Variants in DPH6 observed in about 807,000 individuals in gnomAD.
The protein encoded by DPH6 is diphthamine biosynthesis 6, also known as diphthine--ammonia ligase.
Under a neutral mutation model 38.2 loss-of-function variants are expected in DPH6, and 33 were observed. The observed-to-expected ratio is 0.86, with a 90% CI of 0.65 to 1.15. The LOEUF (loss-of-function observed/expected upper bound fraction) is 1.15. DPH6 is among the 50% of genes most tolerant of loss of function. The probability of loss-of-function intolerance (pLI) is 0.00; values close to 1 mark genes in which losing one functional copy is unlikely to be tolerated. For missense variants in DPH6, 325 were observed against 320.0 expected, an observed-to-expected ratio of 1.02 and a Z score of -0.12; for synonymous variants, 108 against 103.0, an observed-to-expected ratio of 1.05 and a Z score of -0.30.
chr15:35,491,861 T>C (rs1353870508), intron 3 of DPH6, among the ~76,000 whole-genome samples: 2 of 151,212 alleles, frequency 1.3e-5, no homozygotes, highest in East Asian at 3.9e-4. Context: ...TCTATATGTA[T>C]ATGTGTGTGT....
At chr15:35,502,612 CAG>C (rs2054641632) in intron 3 of DPH6, among the ~76,000 whole-genome samples, 1 of 151,582 alleles carries the variant, frequency 6.6e-6, no homozygotes, top group Non-Finnish European at 1.5e-5. Context: ...ATAATTAAAA[CAG>C]AAAATAGCTT....
intron 3 of DPH6, among the ~76,000 whole-genome samples, chr15:35,504,809 A>G (rs984523551): frequency 6.6e-6 from 1 of 152,132 alleles, no homozygotes; most frequent in Non-Finnish European, 1.5e-5. Context: ...ATATTAGTAC[A>G]AGTATAGATC....
intron 3 of DPH6, among the ~76,000 whole-genome samples, chr15:35,299,902 C>G (rs1188590284): frequency 6.6e-6 from 1 of 152,174 alleles, no homozygotes; most frequent in Non-Finnish European, 1.5e-5. Context: ...GAATATAGTT[C>G]TAGGGCTCAA....
chr15:35,342,240 C>T (rs764386822), intron 3 of DPH6, among the ~76,000 whole-genome samples: 9 of 152,194 alleles, frequency 5.9e-5, no homozygotes, highest in East Asian at 1.9e-4. Flanking sequence ...TCTGTATGTG[C>T]GTGAGTGGCT....
At chr15:35,427,559 T>A (rs1382056338) in intron 5 of DPH6, among the ~76,000 whole-genome samples, 1 of 151,894 alleles carries the variant, frequency 6.6e-6, no homozygotes, top group Non-Finnish European at 1.5e-5. Context: ...TAATTAAGAA[T>A]AGCTTCCTTC....
intron 3 of DPH6, among the ~76,000 whole-genome samples, chr15:35,518,528 T>C (rs891932005): frequency 2.0e-5 from 3 of 151,986 alleles, no homozygotes; most frequent in Admixed American, 2.0e-4. Flanking sequence ...TTTTCACACA[T>C]TGCTAAATAC....
chr15:35,298,682 T>C, intron 3 of DPH6: 2 of 1,557,908 alleles, frequency 1.3e-6, no homozygotes, highest in South Asian at 1.1e-5. Context: ...CCCCTGCTCA[T>C]GCTTCCCCAG....
chr15:35,411,530 A>C lies in DPH6; in HGVS notation c.506-634T>G, dbSNP rs1419668221. Reference sequence around the variant, plus strand: ...ATAGCGTGTGCGTAACCTTTAATAAAGATTCAACTGACATAACAGTAGAGT... The same window carrying C: ...ATAGCGTGTGCGTAACCTTTAATAACGATTCAACTGACATAACAGTAGAGT... On this transcript the variant is annotated intron_variant, in intron 5 of 8. Coordinates refer to ENST00000256538, the MANE Select transcript of DPH6 (RefSeq NM_080650.4). Among the ~76,000 whole-genome samples, 9 of 151,864 alleles carry C rather than the reference A, an allele frequency of 5.9e-5. No individual in the cohort carries two copies. The South Asian group carries it at 1.7e-3, about 28-fold the overall frequency.
chr15:35,473,978 T>C (rs1343182698), intron 3 of DPH6, among the ~76,000 whole-genome samples: 4 of 150,658 alleles, frequency 2.7e-5, no homozygotes, highest in African/African-American at 9.8e-5. Flanking sequence ...GCGTGAGCTT[T>C]TGTAGACATA....
intron 3 of DPH6, among the ~76,000 whole-genome samples, chr15:35,461,733 T>G (rs913159257): frequency 3.2e-4 from 48 of 152,296 alleles, no homozygotes; most frequent in African/African-American, 1.1e-3. Flanking sequence ...TTATATATTC[T>G]TGTATTTCTT....
intron 3 of DPH6, among the ~76,000 whole-genome samples, chr15:35,497,293 A>G (rs990836391): frequency 6.6e-6 from 1 of 152,216 alleles, no homozygotes; most frequent in Non-Finnish European, 1.5e-5. Flanking sequence ...ATAAATTAAT[A>G]TGAGAAATGG....
chr15:35,235,171 T>C (rs2051542627), intron 3 of DPH6, among the ~76,000 whole-genome samples: 1 of 152,316 alleles, frequency 6.6e-6, no homozygotes, highest in South Asian at 2.1e-4. Flanking sequence ...CTTTAGCTAC[T>C]GGAGCCACTT....
chr15:35,345,115 T>C (rs1033161525), intron 3 of DPH6, among the ~76,000 whole-genome samples: 9 of 151,914 alleles, frequency 5.9e-5, no homozygotes, highest in African/African-American at 2.2e-4. Context: ...ACTAAGACAA[T>C]AGAAGTTAGA....
At chr15:35,454,439 A>G (rs1187643401) in intron 4 of DPH6, among the ~76,000 whole-genome samples, 1 of 152,144 alleles carries the variant, frequency 6.6e-6, no homozygotes, top group East Asian at 1.9e-4. Context: ...GTTAAAAGAG[A>G]TTAACAGGAT....
At chr15:35,435,164 C>T (rs3898039) in intron 5 of DPH6, among the ~76,000 whole-genome samples, 32,159 of 151,984 alleles carry the variant, frequency 0.21, 4,402 homozygotes, top group African/African-American at 0.4. Flanking sequence ...ATTATCTACA[C>T]GACCCTTCCA....
At chr15:35,544,331 C>T (rs1195899956) in intron 1 of DPH6, among the ~76,000 whole-genome samples, 1 of 141,002 alleles carries the variant, frequency 7.1e-6, no homozygotes, top group African/African-American at 2.6e-5. Context: ...GGGAGGGGCA[C>T]ATCACACACT....
rs1350761493 is a variant in DPH6 at position 35,491,322 on chromosome 15, G to A, written c.313-36502C>T. On this transcript the variant is annotated intron_variant, in intron 3 of 8. Coordinates refer to ENST00000256538, the MANE Select transcript of DPH6 (RefSeq NM_080650.4). ...AAACACGAGCACCATCAGGTTAGCT[G>A]GCAACCTGGCTTGCCCAACAATAAA... is the stretch of plus-strand genomic sequence containing the variant. 2.6e-5 allele frequency among the ~76,000 whole-genome samples: 4 copies of A among 152,190 alleles called. No homozygotes were observed. The East Asian group carries it at 7.7e-4, about 29-fold the overall frequency.
At chr15:35,441,486 A>G (rs1031223679) in intron 5 of DPH6, among the ~76,000 whole-genome samples, 1 of 152,240 alleles carries the variant, frequency 6.6e-6, no homozygotes, top group African/African-American at 2.4e-5. Context: ...AGCCATAAAA[A>G]AGGATGAGTT....
At chr15:35,423,026 G>A (rs1484156030) in intron 5 of DPH6, among the ~76,000 whole-genome samples, 2 of 151,792 alleles carry the variant, frequency 1.3e-5, no homozygotes, top group East Asian at 1.9e-4. Context: ...AAACATGTGA[G>A]TGCAGATATC....
Sources: gnomAD v4.1 joint callset for allele counts (sites outside exome capture counted in the v4.1 genomes callset) on GRCh38, gnomAD v4.1.1 for gene constraint, MANE v1.5 for transcripts, NCBI Gene and HGNC (gene_info 2026-07-23, HGNC 2026-07-21) for gene names.